ALPK3: variants seen among roughly 807,000 people sequenced by gnomAD.
ALPK3 encodes alpha-protein kinase 3.
Under a neutral mutation model 140.0 loss-of-function variants are expected in ALPK3, and 102 were observed. The ratio of observed to expected loss-of-function variants is 0.73; its 90% confidence interval spans 0.62 to 0.86. The LOEUF is 0.86. Among genes scored for constraint, ALPK3 ranks in the 40% least tolerant of loss-of-function variants. ALPK3 has a pLI of 0.00. For synonymous variants in ALPK3, 938 were observed against 898.5 expected (o/e 1.04, Z -0.79); for missense variants, 2,254 against 2,208.2 (o/e 1.02, Z -0.42).
rs374436550 is a variant in ALPK3, at chr15:84,857,850, C to T, written c.3112C>T (p.Arg1038Cys). 32 of 1,611,746 alleles carry T rather than the reference C, an allele frequency of 2.0e-5. No homozygotes were observed. In the East Asian group the frequency reaches 2.0e-4, roughly 10 times the overall value. Residue 1038 changes from arginine to cysteine, a missense_variant, in exon 6 of 14, where the codon CGC becomes TGC. Around this residue, in one of 3 missense-constraint regions of ALPK3, gnomAD observed 2,088 missense variants for 2,022.9 expected, o/e 1.03. Transcript: ENST00000258888. The part of the protein sequence containing the change: ...QTLLLSPCTS[R>C]RLTGLLDREV... ...CCTGCTGCTGAGCCCCTGTACCTCC[C>T]GCCGCCTCACCGGCCTCCTGGACCG...
chr15:84,841,654 CAG>C (rs1424218637), intron 5 of ALPK3, among the ~76,000 whole-genome samples: 1 of 152,004 alleles, frequency 6.6e-6, no homozygotes, highest in Non-Finnish European at 1.5e-5. Context: ...AGGTAGCTGA[CAG>C]AGAAAAGATT....
In ALPK3 at chr15:84,858,243, C is replaced by T. The variant is rs778609174; in HGVS notation, c.3505C>T (p.Leu1169Phe). Residue 1169 changes from leucine to phenylalanine, a missense_variant, in exon 6 of 14, where the codon CTC becomes TTC. Around this residue, in one of 3 missense-constraint regions of ALPK3, gnomAD observed 2,088 missense variants for 2,022.9 expected, o/e 1.03. Coordinates refer to ENST00000258888, the MANE Select transcript of ALPK3 (RefSeq NM_020778.5). Reference protein sequence around the residue: ...LALGARRKRFLPKVRAAGDGE... With the variant: ...LALGARRKRFFPKVRAAGDGE... Reference sequence around the variant, plus strand: ...TCTAGGGGCCCGGAGGAAGAGATTTCTCCCTAAGGTCAGAGCAGCAGGAGA... The same window carrying T: ...TCTAGGGGCCCGGAGGAAGAGATTTTTCCCTAAGGTCAGAGCAGCAGGAGA... The T allele has an allele frequency of 5.6e-6, 9 of 1,608,350 alleles. No homozygotes were observed. The East Asian group carries it at 1.8e-4, about 32-fold the overall frequency.
At chr15:84,830,053 A>G (rs1963529486) in intron 3 of ALPK3, among the ~76,000 whole-genome samples, 1 of 152,174 alleles carries the variant, frequency 6.6e-6, no homozygotes, top group Non-Finnish European at 1.5e-5. Context: ...ATTGTAGCAT[A>G]CTATGCTTGT....
chr15:84,825,243 C>A (rs1316724717), intron 2 of ALPK3, among the ~76,000 whole-genome samples: 1 of 151,248 alleles, frequency 6.6e-6, no homozygotes, highest in Non-Finnish European at 1.5e-5. Context: ...GTGGCGTGAT[C>A]TCGGCTCACT....
Position 84,857,761 on chromosome 15 carries a change from C to T in ALPK3, c.3023C>T (p.Pro1008Leu), listed in dbSNP as rs1404577189. 6 of 1,612,990 alleles carry T rather than the reference C, an allele frequency of 3.7e-6. No individual in the cohort carries two copies. The highest frequency in any genetic ancestry group is 5.1e-6 in the Non-Finnish European group (6 of 1,179,380). Residue 1008 changes from proline (P) to leucine (L), a missense_variant, in exon 6 of 14, where the codon CCC becomes CTC. Coordinates refer to ENST00000258888, the MANE Select transcript of ALPK3 (RefSeq NM_020778.5). ...ACTGTGGAAGTGGCTGGGCTTAGTC[C>T]CCGGACATCGAGGCGCATCCTGGAG... ...TPTVEVAGLS[P>L]RTSRRILERV...
At position 84,860,036 on chromosome 15, in the gene ALPK3, G is replaced by C. The variant is rs1235387258; in HGVS notation, c.4094-1G>C. On this transcript the variant is annotated splice_acceptor_variant, in intron 8 of 13. Coordinates refer to ENST00000258888, the MANE Select transcript of ALPK3 (RefSeq NM_020778.5). LOFTEE classifies it high-confidence loss of function. The stretch of plus-strand genomic sequence containing the variant: ...CTGCTTTCTTCTTTTTCTGTATCTA[G>C]TGTTGTCAGGATTCATCTCCAGAGA... 6.2e-7 allele frequency: 1 copy of C among 1,614,152 alleles called. No homozygotes were observed. Among genetic ancestry groups the C allele is most frequent in the Non-Finnish European group, 8.5e-7 (1 of 1,180,030 alleles).
chr15:84,847,350 A>G (rs1963744606), intron 5 of ALPK3, among the ~76,000 whole-genome samples: 1 of 152,176 alleles, frequency 6.6e-6, no homozygotes, highest in Non-Finnish European at 1.5e-5. Context: ...AAAGAGAAAG[A>G]CAGTGATGCA....
intron 9 of ALPK3, among the ~76,000 whole-genome samples, chr15:84,861,467 G>A (rs1028494471): frequency 6.6e-6 from 1 of 152,114 alleles, no homozygotes; most frequent in Admixed American, 6.5e-5. Flanking sequence ...TTTTAGTAAT[G>A]TTAAGGTTGG....
At chr15:84,825,576 A>G (rs1303894209) in intron 2 of ALPK3, among the ~76,000 whole-genome samples, 2 of 152,052 alleles carry the variant, frequency 1.3e-5, no homozygotes, top group African/African-American at 4.8e-5. Flanking sequence ...ATTTCCTTAG[A>G]CTTGTCCAGG....
intron 13 of ALPK3, 72 bp downstream of exon 13, chr15:84,867,437 G>T (rs1018748302): frequency 1.6e-5 from 25 of 1,570,192 alleles, no homozygotes; most frequent in Non-Finnish European, 2.2e-5. Flanking sequence ...AGCCCTTCTG[G>T]TTCTCCATCC....
intron 6 of ALPK3, among the ~76,000 whole-genome samples, chr15:84,858,774 C>G (rs1180508928): frequency 1.3e-5 from 2 of 152,188 alleles, no homozygotes; most frequent in African/African-American, 4.8e-5. Context: ...ACCGCCTTTG[C>G]AATGGCATGA....
chr15:84,851,577 G>A (rs1963802759), intron 5 of ALPK3, among the ~76,000 whole-genome samples: 2 of 152,160 alleles, frequency 1.3e-5, no homozygotes, highest in Admixed American at 6.5e-5. Flanking sequence ...TACCAAAGCA[G>A]GTTCTTTGGG....
At chr15:84,860,719 A>T (rs1285453853) in intron 9 of ALPK3, among the ~76,000 whole-genome samples, 1 of 152,200 alleles carries the variant, frequency 6.6e-6, no homozygotes, top group South Asian at 2.1e-4. Context: ...TCACTCATTC[A>T]TCCAACTAGT....
In ALPK3 at chr15:84,859,829, A is replaced by C; in HGVS notation, c.4019A>C (p.Asp1340Ala). 1 of 1,613,980 alleles carries C rather than the reference A, an allele frequency of 6.2e-7. No homozygotes were observed. The highest frequency in any genetic ancestry group is 8.5e-7 in the Non-Finnish European group (1 of 1,180,016). The change falls in exon 8 of 14, where the codon GAC (aspartate) becomes GCC (alanine). Residue 1340 changes from aspartate to alanine, a missense_variant. Physicochemically the swap from Asp to Ala is moderately radical, Grantham distance 126. This residue lies in a region of ALPK3 where 2,088 missense variants were observed against 2,022.9 expected (regional missense o/e 1.03). Coordinates refer to ENST00000258888, the MANE Select transcript of ALPK3 (RefSeq NM_020778.5). ...ALAIVQASPVDCGVYRCTIHN... is the reference protein window; with the variant it reads ...ALAIVQASPVACGVYRCTIHN... Reference sequence around the variant, plus strand: ...GCCATCGTGCAGGCCTCCCCCGTAGACTGCGGTGTGTATCGGTGCACCATC... The same window carrying C: ...GCCATCGTGCAGGCCTCCCCCGTAGCCTGCGGTGTGTATCGGTGCACCATC...
intron 3 of ALPK3, among the ~76,000 whole-genome samples, chr15:84,831,185 T>C (rs1963542208): frequency 6.6e-6 from 1 of 152,204 alleles, no homozygotes; most frequent in South Asian, 2.1e-4. Flanking sequence ...ATGTGACCAG[T>C]TTTTCTCTCT....
intron 11 of ALPK3, 72 bp downstream of exon 11, chr15:84,863,712 C>T: frequency 6.9e-7 from 1 of 1,451,580 alleles, no homozygotes; most frequent in African/African-American, 1.4e-5. Context: ...ACAGTGATTT[C>T]ACAGCCTCCC....
intron 3 of ALPK3, among the ~76,000 whole-genome samples, chr15:84,828,305 A>C (rs1041667275): frequency 2.0e-5 from 3 of 152,192 alleles, no homozygotes; most frequent in African/African-American, 7.2e-5. Context: ...CGTTTGGCAG[A>C]ATAGGAAGCA....
At chr15:84,841,309 C>T (rs915247843) in intron 5 of ALPK3, among the ~76,000 whole-genome samples, 4 of 152,046 alleles carry the variant, frequency 2.6e-5, no homozygotes, top group East Asian at 1.9e-4. Flanking sequence ...AGCAGGTGTG[C>T]GCTGTAGTGT....
In ALPK3 at chr15:84,827,572, G is replaced by T. The variant is rs144797313; in HGVS notation, c.271G>T (p.Asp91Tyr). The change falls in exon 3 of 14, where the codon GAC becomes TAC. Residue 91 changes from aspartate to tyrosine, a missense_variant. By Grantham distance (160) the Asp-to-Tyr change is radical (BLOSUM62 -3). Transcript: ENST00000258888. ...TTLKSRSVSE[D>Y]SDVRFTCIVT... Reference sequence around the variant, plus strand: ...GCTCAAGTCCCGGTCTGTGTCCGAGGACAGCGACGTCAGGTTCACCTGCAT... The same window carrying T: ...GCTCAAGTCCCGGTCTGTGTCCGAGTACAGCGACGTCAGGTTCACCTGCAT... 6.2e-7 allele frequency: 1 copy of T among 1,614,078 alleles called. No homozygotes were observed. Among genetic ancestry groups the T allele is most frequent in the African/African-American group, 1.3e-5 (1 of 74,954 alleles).
Sources: gnomAD v4.1 joint callset for allele counts (sites outside exome capture counted in the v4.1 genomes callset) on GRCh38, gnomAD v4.1.1 for gene constraint, gnomAD v4.1.1 regional missense constraint, MANE v1.5 for transcripts, NCBI Gene and HGNC (gene_info 2026-07-23, HGNC 2026-07-21) for gene names.